SV2B: variants seen among roughly 807,000 people sequenced by gnomAD.
The protein encoded by SV2B is synaptic vesicle glycoprotein 2B.
Under a neutral mutation model 73.9 loss-of-function variants are expected in SV2B, and 41 were observed. The observed-to-expected ratio is 0.56, with a 90% CI of 0.43 to 0.72. SV2B has a LOEUF of 0.72. SV2B is among the 30% of genes least tolerant of loss of function. The pLI is 0.00. For missense variants in SV2B, 764 were observed against 857.8 expected (o/e 0.89, Z 1.37); for synonymous variants, 314 against 314.2 (o/e 1.00, Z 0.01).
At chr15:91,228,412 C>A (rs1281690519) in intron 2 of SV2B, among the ~76,000 whole-genome samples, 1 of 151,968 alleles carries the variant, frequency 6.6e-6, no homozygotes, top group Non-Finnish European at 1.5e-5. Flanking sequence ...CAACAAACAA[C>A]CAACAAAAAC....
At chr15:91,178,529 T>C (rs985803416) in intron 1 of SV2B, among the ~76,000 whole-genome samples, 1 of 152,164 alleles carries the variant, frequency 6.6e-6, no homozygotes, top group African/African-American at 2.4e-5. Flanking sequence ...TCCTGGACTC[T>C]TTTTGGTTGG....
rs548209469 is a variant in SV2B, at chr15:91,301,409, C to T, written c.*8857C>T. 4.6e-5 allele frequency: 7 copies of T among 152,126 alleles called. No individual in the cohort carries two copies. Among genetic ancestry groups the T allele is most frequent in the South Asian group, 2.1e-4 (1 of 4,832 alleles). 9.4% of individuals were successfully genotyped at this position (152,126 alleles called of 1,614,324 possible). A position where few individuals can be genotyped will look rare whatever the true frequency, so the allele number is the denominator to read the frequency against. The stretch of plus-strand genomic sequence containing the variant: ...TGGATAGTGGAATTGCTCTGATTAC[C>T]GATGCCTTTTTTGTTCTTTGGTATA... On this transcript the variant is annotated 3_prime_UTR_variant, in exon 13 of 13. Coordinates refer to ENST00000394232, the MANE Select transcript of SV2B (RefSeq NM_001323032.3). The surrounding 1 kb of genome is among the most constrained non-coding windows in gnomAD (Gnocchi z 4.3).
At chr15:91,162,011 A>G (rs1403122080) in intron 1 of SV2B, among the ~76,000 whole-genome samples, 3 of 152,246 alleles carry the variant, frequency 2.0e-5, no homozygotes, top group Non-Finnish European at 4.4e-5. Flanking sequence ...GAACAGTAAA[A>G]TGCAAACATT....
chr15:91,272,054 C>T (rs1345251103), intron 9 of SV2B, among the ~76,000 whole-genome samples: 1 of 152,184 alleles, frequency 6.6e-6, no homozygotes, highest in East Asian at 1.9e-4. Flanking sequence ...TAAAACCAAT[C>T]TCTTTGCCCC....
At position 91,258,598 on chromosome 15, in the gene SV2B, C is replaced by T. The variant is rs764590014; in HGVS notation, c.918+44C>T. On this transcript the variant is annotated intron_variant, in intron 5 of 12. Transcript: ENST00000394232. This position sits in a 1 kb window ranked among gnomAD's most constrained non-coding sequence, Gnocchi z 4.7. ...ACCAGGGGGAGAGTGACAAAACAGC[C>T]ACAGGAACCCAGCCTCGCTTCCTTC... 29 of 1,610,300 alleles carry T rather than the reference C, an allele frequency of 1.8e-5. No individual in the cohort carries two copies. Among genetic ancestry groups the T allele is most frequent in the Non-Finnish European group, 2.4e-5 (28 of 1,178,162 alleles).
rs781630867 is a variant in SV2B at position 91,292,493 on chromosome 15, G to A, written c.1993G>A (p.Val665Ile). Residue 665 changes from valine to isoleucine, a missense_variant, in exon 13 of 13, where the codon GTT (valine) becomes ATT (isoleucine). Coordinates refer to ENST00000394232, the MANE Select transcript of SV2B (RefSeq NM_001323032.3). ...CATCCTTCTGGCTGCTGCTTCTCTGGTTGGGGGTGGCCTGATTGCCCTTCG... is the reference window on the plus strand; with the variant it reads ...CATCCTTCTGGCTGCTGCTTCTCTGATTGGGGGTGGCCTGATTGCCCTTCG... ...VPILLAAASL[V>I]GGGLIALRLP... is the part of the protein sequence containing the mutation. The A allele has an allele frequency of 6.2e-7, 1 of 1,614,176 alleles. No individual in the cohort carries two copies. Among genetic ancestry groups the A allele is most frequent in the South Asian group, 1.1e-5 (1 of 91,078 alleles).
chr15:91,119,801 GAA>G (rs964414342), intron 1 of SV2B, among the ~76,000 whole-genome samples: 10 of 152,152 alleles, frequency 6.6e-5, no homozygotes, highest in African/African-American at 2.4e-4. Flanking sequence ...TGTTAGGTGA[GAA>G]AATATTTTAT....
At position 91,136,192 on chromosome 15, in the gene SV2B, A is replaced by C. The variant is rs1426493045; in HGVS notation, c.-392+35829A>C. Among the ~76,000 whole-genome samples the C allele has an allele frequency of 6.6e-6, 1 of 152,196 alleles. No homozygotes were observed. The highest frequency in any genetic ancestry group is 2.1e-4 in the South Asian group (1 of 4,830). On this transcript the variant is annotated intron_variant, in intron 1 of 12. Coordinates refer to ENST00000394232, the MANE Select transcript of SV2B (RefSeq NM_001323032.3). This position sits in a 1 kb window ranked among gnomAD's most constrained non-coding sequence, Gnocchi z 5.6. ...AAATGCCACTGGTCTCTGATATGCC[A>C]AAGAGGGGCCTGCTGGAGAGAACTT...
At chr15:91,210,772 C>T (rs1401821749) in intron 1 of SV2B, among the ~76,000 whole-genome samples, 2 of 152,212 alleles carry the variant, frequency 1.3e-5, no homozygotes, top group African/African-American at 4.8e-5. Context: ...TTTGATATGC[C>T]TCCAAAGGTT....
Position 91,226,281 on chromosome 15 carries a change from T to A in SV2B, c.18T>A (p.Tyr6Ter). MDDYK[Y>*]QDNYGGYAPS... The stretch of plus-strand genomic sequence containing the variant: ...ACCAAGGAATGGATGACTACAAGTA[T>A]CAGGACAATTATGGGGGCTATGCTC... Residue 6 changes from tyrosine to a stop codon, truncating the protein, a stop_gained, in exon 2 of 13, where the codon TAT (tyrosine) becomes TAA (stop). Transcript: ENST00000394232. LOFTEE classifies it high-confidence loss of function. The A allele has an allele frequency of 6.2e-7, 1 of 1,614,004 alleles. No homozygotes were observed. Among genetic ancestry groups the A allele is most frequent in the Non-Finnish European group, 8.5e-7 (1 of 1,180,018 alleles).
At chr15:91,263,085 C>T (rs2047968524) in intron 6 of SV2B, among the ~76,000 whole-genome samples, 1 of 147,600 alleles carries the variant, frequency 6.8e-6, no homozygotes, top group South Asian at 2.1e-4. Context: ...AGCACATCCA[C>T]AAAGACACGG....
intron 1 of SV2B, among the ~76,000 whole-genome samples, chr15:91,190,530 A>G (rs926710407): frequency 6.6e-5 from 10 of 152,330 alleles, no homozygotes; most frequent in Non-Finnish European, 1.3e-4. Flanking sequence ...AGTCATAAAT[A>G]CTTATTTGGA....
At chr15:91,160,571 G>A (rs759801804) in intron 1 of SV2B, among the ~76,000 whole-genome samples, 1 of 152,170 alleles carries the variant, frequency 6.6e-6, no homozygotes, top group African/African-American at 2.4e-5. Flanking sequence ...TCATGCCACT[G>A]CACTCCAGCC....
chr15:91,217,776 G>A lies in SV2B; in HGVS notation c.-391-8097G>A, dbSNP rs184528498. On this transcript the variant is annotated intron_variant, in intron 1 of 12. Coordinates refer to ENST00000394232, the MANE Select transcript of SV2B (RefSeq NM_001323032.3). ...ATGGCTAGACACGGTCTTAGAAATCGTCCAGAACAATCCCTCGCTTGAGAG... is the reference window on the plus strand; with the variant it reads ...ATGGCTAGACACGGTCTTAGAAATCATCCAGAACAATCCCTCGCTTGAGAG... Among the ~76,000 whole-genome samples, 145 of 152,312 alleles carry A rather than the reference G, an allele frequency of 9.5e-4. 1 individual carries two copies. The highest frequency in any genetic ancestry group is 2.4e-3 in the Admixed American group (36 of 15,308).
chr15:91,192,545 G>T (rs1196371566), intron 1 of SV2B, among the ~76,000 whole-genome samples: 2 of 152,208 alleles, frequency 1.3e-5, no homozygotes, highest in East Asian at 1.9e-4. Flanking sequence ...TGAGAAATCA[G>T]TGAAGTAGTG....
rs914828320 is a variant in SV2B at position 91,265,350 on chromosome 15, C to T, written c.1009-1232C>T. Among the ~76,000 whole-genome samples, 1 of 152,142 alleles carries T rather than the reference C, an allele frequency of 6.6e-6. No homozygotes were observed. The highest frequency in any genetic ancestry group is 1.5e-5 in the Non-Finnish European group (1 of 68,020). ...ATCTGCAGGGCTGGGGGAACACAGG[C>T]CATATTCTAATTTAGACTGAATCAT... On this transcript the variant is annotated intron_variant, in intron 6 of 12. Transcript: ENST00000394232. This position sits in a 1 kb window ranked among gnomAD's most constrained non-coding sequence, Gnocchi z 4.2.
At position 91,140,430 on chromosome 15, in the gene SV2B, C is replaced by G. The variant is rs2042965267; in HGVS notation, c.-392+40067C>G. ...CAGAGGAGGAGAACAAAAATATCAC[C>G]TTCTCAAAGGAAGCTTTAATTAGGT... On this transcript the variant is annotated intron_variant, in intron 1 of 12. Coordinates refer to ENST00000394232, the MANE Select transcript of SV2B (RefSeq NM_001323032.3). This position sits in a 1 kb window ranked among gnomAD's most constrained non-coding sequence, Gnocchi z 4.4. 6.6e-6 allele frequency among the ~76,000 whole-genome samples: 1 copy of G among 152,180 alleles called. No homozygotes were observed. Among genetic ancestry groups the G allele is most frequent in the African/African-American group, 2.4e-5 (1 of 41,430 alleles).
intron 1 of SV2B, among the ~76,000 whole-genome samples, chr15:91,219,126 A>AT (rs889927368): frequency 2.0e-5 from 3 of 151,404 alleles, no homozygotes; most frequent in Non-Finnish European, 4.4e-5. Context: ...TTTTTGTACG[A>AT]TTTTCAGAGA....
chr15:91,174,647 G>A (rs1042828768), intron 1 of SV2B, among the ~76,000 whole-genome samples: 2 of 152,186 alleles, frequency 1.3e-5, no homozygotes, highest in African/African-American at 4.8e-5. Context: ...CTGGAGAAGC[G>A]CCCATGGAGG....
Sources: allele counts gnomAD v4.1 joint callset (sites outside exome capture counted in the v4.1 genomes callset), GRCh38; gene constraint gnomAD v4.1.1; non-coding constraint Gnocchi (gnomAD v3.1); transcripts MANE v1.5; gene names NCBI Gene and HGNC (gene_info 2026-07-23, HGNC 2026-07-21).